Variants in RASGRF2 observed in about 807,000 individuals in gnomAD.
The protein encoded by RASGRF2 is ras-specific guanine nucleotide-releasing factor 2.
Under a neutral mutation model 151.0 loss-of-function variants are expected in RASGRF2, and 76 were observed. The ratio of observed to expected loss-of-function variants is 0.50; its 90% CI spans 0.42 to 0.61. RASGRF2 has a LOEUF of 0.61. Ranked by LOEUF, RASGRF2 falls within the 20% of genes least tolerant of loss-of-function variation. The probability of loss-of-function intolerance (pLI) is 0.00; values close to 1 mark genes in which losing one functional copy is unlikely to be tolerated. For missense variants in RASGRF2, 1,148 were observed against 1,564.6 expected (o/e 0.73, Z 4.49); for synonymous variants, 504 against 566.5 (o/e 0.89, Z 1.57).
At chr5:81,048,361 T>G (rs1453055498) in intron 2 of RASGRF2, among the ~76,000 whole-genome samples, 3 of 152,216 alleles carry the variant, frequency 2.0e-5, no homozygotes, top group Non-Finnish European at 4.4e-5. Context: ...TTCAACATTT[T>G]TTTTCCTTTT....
At chr5:81,098,641 GA>G (rs1206689736) in intron 12 of RASGRF2, among the ~76,000 whole-genome samples, 1 of 152,226 alleles carries the variant, frequency 6.6e-6, no homozygotes, top group African/African-American at 2.4e-5. Flanking sequence ...AAGGCTGAGT[GA>G]AGTAGTGATT....
chr5:81,159,928 A>C (rs1277732501), intron 17 of RASGRF2, among the ~76,000 whole-genome samples: 1 of 152,210 alleles, frequency 6.6e-6, no homozygotes, highest in African/African-American at 2.4e-5. Flanking sequence ...AAAAGTTGAT[A>C]TGTGTTAGGT....
rs145102502 is a variant in RASGRF2 at position 81,067,974 on chromosome 5, T to A, written c.396-58T>A. On this transcript the variant is annotated intron_variant, in intron 2 of 26. Transcript: ENST00000265080. ...CAAATGTAGCATATTATATTCTATA[T>A]GGAACTCTATATAGTAGAACAATAT... The A allele has an allele frequency of 4.2e-3, 5,895 of 1,390,746 alleles. 19 individuals are homozygous for A. Among genetic ancestry groups the A allele is most frequent in the Middle Eastern group, 5.4e-3 (28 of 5,212 alleles). The allele number at this position is 1,390,746 out of a possible 1,614,324, so 86.2% of individuals were successfully genotyped here.
chr5:81,080,442 A>T (rs1417689485), intron 6 of RASGRF2, among the ~76,000 whole-genome samples, 154 bp from the exon 7 acceptor site: 3 of 152,132 alleles, frequency 2.0e-5, no homozygotes, highest in Non-Finnish European at 4.4e-5. Flanking sequence ...GCTGCCCATG[A>T]GTGCATTCTA....
intron 1 of RASGRF2, among the ~76,000 whole-genome samples, chr5:80,996,419 A>G (rs1273602443): frequency 6.6e-6 from 1 of 151,600 alleles, no homozygotes; most frequent in Non-Finnish European, 1.5e-5. Context: ...TTTTGTAAAC[A>G]TAACAAAGAA....
rs761534848 is a variant in RASGRF2 at position 81,092,877 on chromosome 5, G to C, written c.1467G>C (p.Lys489Asn). 1 of 1,612,580 alleles carries C rather than the reference G, an allele frequency of 6.2e-7. No individual in the cohort carries two copies. The highest frequency in any genetic ancestry group is 8.5e-7 in the Non-Finnish European group (1 of 1,178,620). ...KVRLGSLSLK[K>N]EGERQCFLFT... ...GCCTGGGTTCGTTGTCTTTGAAAAA[G>C]GAAGGAGAGAGACAATGCTTCTTAT... Residue 489 changes from lysine (K) to asparagine (N), a missense_variant, in exon 10 of 27, where the codon AAG becomes AAC. Lys to Asn is a moderately conservative substitution (Grantham distance 94). Transcript: ENST00000265080.
intron 1 of RASGRF2, among the ~76,000 whole-genome samples, chr5:81,016,824 T>C (rs1271012064): frequency 6.6e-6 from 1 of 152,184 alleles, no homozygotes; most frequent in Non-Finnish European, 1.5e-5. Context: ...TCTATTGGGA[T>C]AAATGATGTA....
At chr5:81,145,842 T>C (rs1753993373) in intron 17 of RASGRF2, among the ~76,000 whole-genome samples, 1 of 152,202 alleles carries the variant, frequency 6.6e-6, no homozygotes. Context: ...AGATAATAAG[T>C]GTTTGTTGTT....
intron 1 of RASGRF2, among the ~76,000 whole-genome samples, chr5:81,025,239 A>G (rs1749978170): frequency 6.6e-6 from 1 of 152,176 alleles, no homozygotes; most frequent in South Asian, 2.1e-4. Context: ...GGTGTGGCCA[A>G]CTTCTGGCCC....
chr5:81,176,352 G>A (rs1051502101), intron 17 of RASGRF2, among the ~76,000 whole-genome samples: 1 of 152,174 alleles, frequency 6.6e-6, no homozygotes, highest in Non-Finnish European at 1.5e-5. Flanking sequence ...TTCTGGAAAA[G>A]AAAATAGCAA....
At chr5:81,139,374 T>C (rs1228102011) in intron 17 of RASGRF2, among the ~76,000 whole-genome samples, 4 of 150,042 alleles carry the variant, frequency 2.7e-5, no homozygotes, top group Non-Finnish European at 5.9e-5. Flanking sequence ...TTCCAATCTA[T>C]ACGCCTTTCA....
chr5:81,123,491 T>C, intron 15 of RASGRF2, 151 bp from the exon 16 acceptor site: 1 of 967,532 alleles, frequency 1.0e-6, no homozygotes, highest in Non-Finnish European at 1.5e-6. Context: ...TTTTTAGATT[T>C]AGTGTCATTA....
At chr5:81,049,471 G>A (rs1362955009) in intron 2 of RASGRF2, among the ~76,000 whole-genome samples, 1 of 151,970 alleles carries the variant, frequency 6.6e-6, no homozygotes, top group Non-Finnish European at 1.5e-5. Flanking sequence ...TTTTGTTTAC[G>A]ATGTCTCTCC....
At chr5:80,970,797 G>A (rs1580151871) in intron 1 of RASGRF2, among the ~76,000 whole-genome samples, 1 of 152,290 alleles carries the variant, frequency 6.6e-6, no homozygotes, top group Middle Eastern at 3.4e-3. Flanking sequence ...TAATGAGCAT[G>A]ATAGTAATTA....
chr5:81,174,531 G>A (rs184200102), intron 17 of RASGRF2, among the ~76,000 whole-genome samples: 3 of 152,280 alleles, frequency 2.0e-5, no homozygotes, highest in East Asian at 1.9e-4. Flanking sequence ...AGCAAAGCAG[G>A]CACAGTGACA....
At chr5:81,153,782 A>G (rs532166248) in intron 17 of RASGRF2, among the ~76,000 whole-genome samples, 56 of 152,328 alleles carry the variant, frequency 3.7e-4, no homozygotes, top group Non-Finnish European at 7.2e-4. Context: ...AAACCATATA[A>G]AAAAGAAATA....
intron 2 of RASGRF2, among the ~76,000 whole-genome samples, chr5:81,043,815 C>A (rs1456061749): frequency 6.6e-6 from 1 of 152,152 alleles, no homozygotes. Flanking sequence ...GATGAGCCTT[C>A]CCTTCTCCAT....
chr5:80,971,558 A>C (rs1580152704), intron 1 of RASGRF2, among the ~76,000 whole-genome samples: 3 of 144,440 alleles, frequency 2.1e-5, no homozygotes, highest in Admixed American at 6.9e-5. Context: ...ACATGCCACC[A>C]CACCTGGTAT....
chr5:81,013,965 A>G (rs1749551411), intron 1 of RASGRF2, among the ~76,000 whole-genome samples: 1 of 152,110 alleles, frequency 6.6e-6, no homozygotes, highest in South Asian at 2.1e-4. Flanking sequence ...TACTCATTAG[A>G]AAGTTCTATT....
Sources: allele counts gnomAD v4.1 joint callset (sites outside exome capture counted in the v4.1 genomes callset), GRCh38; gene constraint gnomAD v4.1.1; transcripts MANE v1.5; gene names NCBI Gene and HGNC (gene_info 2026-07-23, HGNC 2026-07-21).